The following DNAI1 variants were observed in gnomAD, a reference collection of about 807,000 sequenced individuals.
DNAI1 encodes dynein axonemal intermediate chain 1, also known as dynein, axonemal, intermediate polypeptide 1.
A neutral mutation model predicts 92.0 loss-of-function variants in DNAI1; 67 were observed. The ratio of observed to expected loss-of-function variants is 0.73; its 90% CI spans 0.60 to 0.89. DNAI1 has a LOEUF of 0.89. Ranked by LOEUF, DNAI1 falls within the 40% of genes least tolerant of loss-of-function variation. The pLI is 0.00. For missense variants in DNAI1, 839 were observed against 866.6 expected, an observed-to-expected ratio of 0.97 and a Z score of 0.40; for synonymous variants, 323 against 319.6, an observed-to-expected ratio of 1.01 and a Z score of -0.11.
At chr9:34,515,364 A>G (rs1350812361) in intron 18 of DNAI1, among the ~76,000 whole-genome samples, 1 of 152,254 alleles carries the variant, frequency 6.6e-6, no homozygotes, top group Non-Finnish European at 1.5e-5. Context: ...CCTGGAACAG[A>G]TAACTACTAA....
At chr9:34,467,231 A>G (rs1824054928) in intron 1 of DNAI1, among the ~76,000 whole-genome samples, 1 of 152,190 alleles carries the variant, frequency 6.6e-6, no homozygotes, top group Admixed American at 6.5e-5. Context: ...TTACATTACA[A>G]AAGGTCCTGT....
chr9:34,466,575 C>T (rs1824042155), intron 1 of DNAI1, among the ~76,000 whole-genome samples: 1 of 152,108 alleles, frequency 6.6e-6, no homozygotes, highest in Non-Finnish European at 1.5e-5. Context: ...CTTTAAGTTA[C>T]AAAGAACAGA....
chr9:34,520,044 C>T (rs1266188992), intron 19 of DNAI1, among the ~76,000 whole-genome samples: 1 of 152,156 alleles, frequency 6.6e-6, no homozygotes, highest in East Asian at 1.9e-4. Context: ...CCTCAGCCAA[C>T]GACACCTGGA....
At chr9:34,488,278 T>G (rs1392849127) in intron 4 of DNAI1, 1 of 173,334 alleles carries the variant, frequency 5.8e-6, no homozygotes, top group East Asian at 1.8e-4. Context: ...AGAATAAAGA[T>G]TCAAACCCAA....
At chr9:34,510,613 A>G (rs370155094) in intron 13 of DNAI1, among the ~76,000 whole-genome samples, 1 of 152,110 alleles carries the variant, frequency 6.6e-6, no homozygotes, top group Non-Finnish European at 1.5e-5. Context: ...GCGCACATAC[A>G]CACATACACA....
At chr9:34,469,432 A>ATTT (rs111706306) in intron 1 of DNAI1, among the ~76,000 whole-genome samples, 1 of 147,976 alleles carries the variant, frequency 6.8e-6, no homozygotes, top group Non-Finnish European at 1.5e-5. Context: ...AGCCCAGCTA[A>ATTT]TTTTTTTTTT....
intron 13 of DNAI1, among the ~76,000 whole-genome samples, chr9:34,510,176 T>C (rs1400542034): frequency 6.6e-6 from 1 of 152,226 alleles, no homozygotes; most frequent in Admixed American, 6.5e-5. Flanking sequence ...AAGGAGTTTG[T>C]TCTGTTGGCA....
intron 1 of DNAI1, among the ~76,000 whole-genome samples, chr9:34,472,026 G>C (rs1388685961): frequency 6.6e-6 from 1 of 152,132 alleles, no homozygotes; most frequent in Non-Finnish European, 1.5e-5. Flanking sequence ...TTTCTAATAA[G>C]ATTTCTTGGG....
intron 1 of DNAI1, among the ~76,000 whole-genome samples, chr9:34,468,696 ATGCCCC>A (rs1824085118): frequency 6.6e-6 from 1 of 151,860 alleles, no homozygotes; most frequent in African/African-American, 2.4e-5. Flanking sequence ...GCGTGGTGGT[ATGCCCC>A]TGTGGTCCCT....
chr9:34,502,983 A>T (rs995204477), intron 12 of DNAI1, among the ~76,000 whole-genome samples: 17 of 152,208 alleles, frequency 1.1e-4, no homozygotes, highest in African/African-American at 4.1e-4. Context: ...ACGGACAATC[A>T]TTGCTGATTT....
chr9:34,480,440 G>C (rs1035491397), intron 1 of DNAI1, among the ~76,000 whole-genome samples: 1 of 151,780 alleles, frequency 6.6e-6, no homozygotes, highest in Admixed American at 6.6e-5. Flanking sequence ...ACCACACCCG[G>C]CTAATTTTTG....
In DNAI1 at chr9:34,485,935, G is replaced by C. The variant is rs190433315; in HGVS notation, c.261+418G>C. On this transcript the variant is annotated intron_variant, in intron 4 of 19. Transcript: ENST00000242317. ...TGGTCTTCTCCCCTCCCCACCCCCA[G>C]CCCCACTGGAGAAGTTCTAGCAGGC... Among the ~76,000 whole-genome samples the C allele has an allele frequency of 7.9e-5, 12 of 152,088 alleles. No individual in the cohort carries two copies. In the East Asian group the frequency reaches 2.3e-3, roughly 29 times the overall value.
At chr9:34,459,333 A>C (rs1823894235) in intron 1 of DNAI1, among the ~76,000 whole-genome samples, 1 of 151,912 alleles carries the variant, frequency 6.6e-6, no homozygotes, top group Admixed American at 6.6e-5. Context: ...CCATGGACTC[A>C]TTCTGACCAG....
intron 9 of DNAI1, among the ~76,000 whole-genome samples, chr9:34,494,826 C>G (rs183462168): frequency 6.6e-6 from 1 of 152,196 alleles, no homozygotes; most frequent in African/African-American, 2.4e-5. Context: ...CCCAGCCCCA[C>G]CTAGTGAATG....
Position 34,491,522 on chromosome 9 carries a change from C to G in DNAI1, c.649C>G (p.Pro217Ala), listed in dbSNP as rs886063882. Residue 217 changes from proline (P) to alanine (A), a missense_variant, in exon 8 of 20, where the codon CCC (proline) becomes GCC (alanine). By Grantham distance (27) the Pro-to-Ala change is conservative. Transcript: ENST00000242317. ...TCGAGAATGCCAGACGGAGCCTCCT[C>G]CCAGGACAAACTTTTCAGCCACAGC... is the stretch of plus-strand genomic sequence containing the variant. ...RDRECQTEPPPRTNFSATANQ... is the reference protein window; with the variant it reads ...RDRECQTEPPARTNFSATANQ... 6.2e-7 allele frequency: 1 copy of G among 1,614,216 alleles called. No individual in the cohort carries two copies. Among genetic ancestry groups the G allele is most frequent in the Non-Finnish European group, 8.5e-7 (1 of 1,180,044 alleles).
chr9:34,482,889 C>G (rs967363000), intron 1 of DNAI1, among the ~76,000 whole-genome samples: 1 of 152,262 alleles, frequency 6.6e-6, no homozygotes, highest in African/African-American at 2.4e-5. Context: ...TGGCGGGCTG[C>G]AGGTCCCGAG....
chr9:34,506,283 A>T (rs781663768), intron 12 of DNAI1, among the ~76,000 whole-genome samples: 1 of 152,156 alleles, frequency 6.6e-6, no homozygotes, highest in Non-Finnish European at 1.5e-5. Context: ...TGGGCATCCA[A>T]ACCCCCTCTG....
rs1825135368 is a variant in DNAI1, at chr9:34,514,538, A to G, written c.1714A>G (p.Ile572Val). Reference sequence around the variant, plus strand: ...GACAGTGAAGATCTGGGACCACACCATCAAGTGAGGGGCCTGTTCCTGGCT... The same window carrying G: ...GACAGTGAAGATCTGGGACCACACCGTCAAGTGAGGGGCCTGTTCCTGGCT... ...DWTVKIWDHT[I>V]KTPMFIYDLN... Residue 572 changes from isoleucine to valine, a missense_variant, in exon 17 of 20, where the codon ATC becomes GTC. Transcript: ENST00000242317. 1 of 1,614,078 alleles carries G rather than the reference A, an allele frequency of 6.2e-7. No individual in the cohort carries two copies. The highest frequency in any genetic ancestry group is 8.5e-7 in the Non-Finnish European group (1 of 1,180,004).
intron 2 of DNAI1, 71 bp from the exon 3 acceptor site, chr9:34,485,071 T>G: frequency 6.7e-7 from 1 of 1,500,714 alleles, no homozygotes; most frequent in Non-Finnish European, 9.3e-7. Context: ...TGTTTGTGAA[T>G]GAAGGGGCTT....
Sources: gnomAD v4.1 joint callset for allele counts (sites outside exome capture counted in the v4.1 genomes callset) on GRCh38, gnomAD v4.1.1 for gene constraint, MANE v1.5 for transcripts, NCBI Gene and HGNC (gene_info 2026-07-23, HGNC 2026-07-21) for gene names.